SIAE: variants seen among roughly 807,000 people sequenced by gnomAD.
The protein encoded by SIAE is sialate O-acetylesterase.
In SIAE, 39 loss-of-function variants were observed where a neutral mutation model predicts 52.6. The observed-to-expected ratio is 0.74, with a 90% confidence interval of 0.57 to 0.97. The LOEUF is 0.97. Among genes scored for constraint, SIAE ranks in the 50% least tolerant of loss-of-function variants. The pLI, the probability that SIAE is intolerant of heterozygous loss-of-function variation, is 0.00. For synonymous variants in SIAE, 233 were observed against 241.4 expected (o/e 0.97, Z 0.32); for missense variants, 592 against 662.1 (o/e 0.89, Z 1.16).
intron 4 of SIAE, among the ~76,000 whole-genome samples, chr11:124,652,691 CAAAAAA>C (rs57632780): frequency 1.4e-5 from 1 of 72,926 alleles, no homozygotes. Context: ...GAGACTCGGT[CAAAAAA>C]AAAAAAAAAA....
chr11:124,656,321 G>A (rs535740870), intron 3 of SIAE, among the ~76,000 whole-genome samples: 1 of 152,250 alleles, frequency 6.6e-6, no homozygotes, highest in East Asian at 1.9e-4. Flanking sequence ...TGGAACTGGT[G>A]GATACCACAG....
chr11:124,644,842 C>A (rs1261180008), intron 7 of SIAE, among the ~76,000 whole-genome samples: 1 of 152,170 alleles, frequency 6.6e-6, no homozygotes, highest in Non-Finnish European at 1.5e-5. Flanking sequence ...CTCCGTGGAA[C>A]TCACATCCTC....
chr11:124,636,176 CTTTT>C lies in SIAE; in HGVS notation c.*771_*774del, dbSNP rs1044348844. On this transcript the variant is annotated 3_prime_UTR_variant, in exon 10 of 10. Transcript: ENST00000263593. The stretch of plus-strand genomic sequence containing the variant: ...CTGGGCTACTCCCACCTGGCCCTTG[CTTTT>C]CATTCCTTAGGGCAGTCACTTAGCA... 2 of 152,240 alleles carry C rather than the reference CTTTT, an allele frequency of 1.3e-5. No homozygotes were observed. Among genetic ancestry groups the C allele is most frequent in the African/African-American group, 4.8e-5 (2 of 41,438 alleles). The allele number at this position is 152,240 out of a possible 1,614,324, so 9.4% of individuals were successfully genotyped here.
upstream of SIAE, chr11:124,675,370 C>G (rs146157978): frequency 1.2e-6 from 2 of 1,614,036 alleles, no homozygotes; most frequent in African/African-American, 1.3e-5. Context: ...GGACAATATA[C>G]CAGCTTTTGC....
intron 3 of SIAE, chr11:124,659,387 T>C (rs1352271949): frequency 6.6e-6 from 1 of 152,180 alleles, no homozygotes; most frequent in Non-Finnish European, 1.5e-5. Context: ...TACTCTCTTA[T>C]GCTAAAAGAG....
At chr11:124,650,435 T>G (rs1188284224) in intron 4 of SIAE, among the ~76,000 whole-genome samples, 3 of 152,156 alleles carry the variant, frequency 2.0e-5, no homozygotes, top group Non-Finnish European at 4.4e-5. Flanking sequence ...AGAAGAAATG[T>G]GTATTTCTTC....
chr11:124,668,298 T>C (rs1033340474), intron 2 of SIAE, among the ~76,000 whole-genome samples: 1 of 152,152 alleles, frequency 6.6e-6, no homozygotes, highest in South Asian at 2.1e-4. Context: ...TTATCCCTAC[T>C]CTCTACAAAG....
At chr11:124,648,938 C>T (rs537311648) in intron 5 of SIAE, among the ~76,000 whole-genome samples, 1 of 152,292 alleles carries the variant, frequency 6.6e-6, no homozygotes, top group East Asian at 1.9e-4. Context: ...GGCTTCCCAG[C>T]GTGAATGAGA....
rs759363960 is a variant in SIAE, at chr11:124,637,084, T to C, written c.1439A>G (p.Tyr480Cys). The change falls in exon 10 of 10, where the codon TAT (tyrosine) becomes TGT (cysteine). Residue 480 changes from tyrosine to cysteine, a missense_variant. Tyr to Cys is a radical substitution (Grantham distance 194). Transcript: ENST00000263593. ...TTCACAAGGCCACGTGGTCCAAGCATAGCGGAGAGCAACCACAGTGCCATG... is the reference window on the plus strand; with the variant it reads ...TTCACAAGGCCACGTGGTCCAAGCACAGCGGAGAGCAACCACAGTGCCATG... Reference protein sequence around the residue: ...SCHGTVVALRYAWTTWPCEYK... With the variant: ...SCHGTVVALRCAWTTWPCEYK... 2 of 1,613,964 alleles carry C rather than the reference T, an allele frequency of 1.2e-6. No individual in the cohort carries two copies.
chr11:124,638,435 AACCAAG>A (rs1468512333), intron 9 of SIAE, 101 bp downstream of exon 9: 1 of 1,285,294 alleles, frequency 7.8e-7, no homozygotes, highest in East Asian at 2.4e-5. Context: ...GCCCCCAACC[AACCAAG>A]ACCCGCCACA....
intron 1 of SIAE, among the ~76,000 whole-genome samples, chr11:124,671,410 A>C (rs1206303533): frequency 6.6e-6 from 1 of 152,212 alleles, no homozygotes; most frequent in Non-Finnish European, 1.5e-5. Flanking sequence ...GCCCACAGGG[A>C]GCTTCCATTC....
At chr11:124,659,810 TTAG>T (rs1181622714) in intron 3 of SIAE, 1 of 152,026 alleles carries the variant, frequency 6.6e-6, no homozygotes, top group Admixed American at 6.6e-5. Context: ...GTAGCATTAT[TTAG>T]TAGAAGACTA....
chr11:124,669,258 G>C, intron 2 of SIAE, 102 bp downstream of exon 2: 1 of 1,406,776 alleles, frequency 7.1e-7, no homozygotes, highest in Non-Finnish European at 1.0e-6. Context: ...ACGGATGTAG[G>C]GACGGATGGA....
intron 1 of SIAE, among the ~76,000 whole-genome samples, chr11:124,672,203 A>C: frequency 6.6e-6 from 1 of 152,144 alleles, no homozygotes; most frequent in Non-Finnish European, 1.5e-5. Flanking sequence ...GTGAGCCAAC[A>C]TTTGGATTTT....
In SIAE at chr11:124,634,786, T is replaced by A. The variant is rs1360833126; in HGVS notation, c.*2165A>T. 6.6e-6 allele frequency: 1 copy of A among 152,146 alleles called. No homozygotes were observed. Among genetic ancestry groups the A allele is most frequent in the Admixed American group, 6.5e-5 (1 of 15,276 alleles). The allele number at this position is 152,146 out of a possible 1,614,324, so 9.4% of individuals were successfully genotyped here. On this transcript the variant is annotated 3_prime_UTR_variant, in exon 10 of 10. Coordinates refer to ENST00000263593, the MANE Select transcript of SIAE (RefSeq NM_170601.5). ...AAAGTAAGTAAGTCAAAAACACAGA[T>A]TACAAAATAATATGTACTGTATAAA...
chr11:124,649,515 T>C, intron 5 of SIAE, 104 bp downstream of exon 5: 2 of 1,209,618 alleles, frequency 1.7e-6, no homozygotes, highest in Non-Finnish European at 2.5e-6. Context: ...TCAACACATA[T>C]TGGGACATTC....
chr11:124,661,815 A>G (rs1360623829), intron 2 of SIAE, among the ~76,000 whole-genome samples: 2 of 152,242 alleles, frequency 1.3e-5, no homozygotes, highest in African/African-American at 4.8e-5. Flanking sequence ...ATTCAAAGGG[A>G]AAGAATGATA....
At position 124,636,297 on chromosome 11, in the gene SIAE, T is replaced by C. The variant is rs1018289546; in HGVS notation, c.*654A>G. 6.5e-6 allele frequency: 1 copy of C among 154,854 alleles called. No homozygotes were observed. Among genetic ancestry groups the C allele is most frequent in the African/African-American group, 2.4e-5 (1 of 41,462 alleles). 9.6% of individuals were successfully genotyped at this position (154,854 alleles called of 1,614,324 possible). On this transcript the variant is annotated 3_prime_UTR_variant, in exon 10 of 10. Coordinates refer to ENST00000263593, the MANE Select transcript of SIAE (RefSeq NM_170601.5). ...TTGAAGGAACAGAATTGGTTTGGGCTTGAAGAGAATACAAAGAGATCTGTC... is the reference window on the plus strand; with the variant it reads ...TTGAAGGAACAGAATTGGTTTGGGCCTGAAGAGAATACAAAGAGATCTGTC...
intron 2 of SIAE, among the ~76,000 whole-genome samples, chr11:124,664,322 C>T (rs1461895763): frequency 1.3e-5 from 2 of 151,888 alleles, no homozygotes; most frequent in Non-Finnish European, 2.9e-5. Flanking sequence ...ACCTCTGCCT[C>T]CCGGGTTCAA....
Sources: gnomAD v4.1 joint callset for allele counts (sites outside exome capture counted in the v4.1 genomes callset) on GRCh38, gnomAD v4.1.1 for gene constraint, MANE v1.5 for transcripts, NCBI Gene and HGNC (gene_info 2026-07-23, HGNC 2026-07-21) for gene names.